PTPRD: variants seen among roughly 807,000 people sequenced by gnomAD.
PTPRD encodes the protein protein tyrosine phosphatase receptor type D.
Under a neutral mutation model 214.5 loss-of-function variants are expected in PTPRD, and 34 were observed. The observed-to-expected ratio is 0.16, with a 90% CI of 0.12 to 0.21. The LOEUF is 0.21. Ranked by LOEUF, PTPRD falls within the 10% of genes least tolerant of loss-of-function variation. The probability of loss-of-function intolerance (pLI) is 1.00; values close to 1 mark genes in which losing one functional copy is unlikely to be tolerated. For synonymous variants in PTPRD, 1,128 were observed against 845.7 expected (o/e 1.33, Z -5.79); for missense variants, 2,545 against 2,398.7 (o/e 1.06, Z -1.27).
At chr9:8,474,962 T>C (rs2096734409) in intron 30 of PTPRD, among the ~76,000 whole-genome samples, 1 of 152,172 alleles carries the variant, frequency 6.6e-6, no homozygotes, top group African/African-American at 2.4e-5. Flanking sequence ...TCTCAACTTC[T>C]CCTTCCCCAT....
intron 2 of PTPRD, among the ~76,000 whole-genome samples, chr9:10,342,662 T>G (rs2096965198): frequency 6.6e-6 from 1 of 152,134 alleles, no homozygotes; most frequent in South Asian, 2.1e-4. Flanking sequence ...TTCCGCACCT[T>G]CTATTCCATG....
At chr9:9,367,204 T>C (rs2058121098) in intron 9 of PTPRD, among the ~76,000 whole-genome samples, 1 of 151,490 alleles carries the variant, frequency 6.6e-6, no homozygotes, top group African/African-American at 2.4e-5. Flanking sequence ...TTAAAGTTTC[T>C]ACAAGGGAGA....
In PTPRD at chr9:8,641,350, T is replaced by C. The variant is rs946522186; in HGVS notation, c.65-4506A>G. Among the ~76,000 whole-genome samples the C allele has an allele frequency of 5.4e-5, 8 of 148,300 alleles. 1 individual carries two copies. Among genetic ancestry groups the C allele is most frequent in the African/African-American group, 1.9e-4 (7 of 37,742 alleles). The stretch of plus-strand genomic sequence containing the variant: ...AGGTATAAAGATGGGGAGAAAGGCA[T>C]TAGAACTTTCCAGTCACCATTATTT... On this transcript the variant is annotated intron_variant, in intron 12 of 45. Coordinates refer to ENST00000381196, the MANE Select transcript of PTPRD (RefSeq NM_002839.4).
At chr9:10,136,421 A>G (rs866167267) in intron 3 of PTPRD, among the ~76,000 whole-genome samples, 21 of 152,140 alleles carry the variant, frequency 1.4e-4, no homozygotes, top group African/African-American at 5.1e-4. Flanking sequence ...TAACAACCGC[A>G]AAGTACACAG....
At chr9:9,910,842 G>A (rs751554927) in intron 5 of PTPRD, among the ~76,000 whole-genome samples, 3 of 152,038 alleles carry the variant, frequency 2.0e-5, no homozygotes, top group African/African-American at 7.2e-5. Flanking sequence ...GGAAAACTGA[G>A]AAGTTCTGAG....
At chr9:8,973,645 C>T (rs1024404698) in intron 11 of PTPRD, among the ~76,000 whole-genome samples, 5 of 152,034 alleles carry the variant, frequency 3.3e-5, no homozygotes, top group Non-Finnish European at 7.4e-5. Context: ...CTCCAAAATG[C>T]TTTCTACAGT....
At chr9:8,809,024 G>C (rs1289547024) in intron 11 of PTPRD, among the ~76,000 whole-genome samples, 1 of 152,098 alleles carries the variant, frequency 6.6e-6, no homozygotes, top group Non-Finnish European at 1.5e-5. Flanking sequence ...AGGAAAGTCA[G>C]AGACCACTGT....
chr9:9,477,019 G>A (rs2095099118), intron 8 of PTPRD, among the ~76,000 whole-genome samples: 1 of 152,100 alleles, frequency 6.6e-6, no homozygotes, highest in South Asian at 2.1e-4. Flanking sequence ...ACAGGTGTGA[G>A]CCACCACACC....
intron 3 of PTPRD, among the ~76,000 whole-genome samples, chr9:10,046,763 T>C (rs1032019877): frequency 1.3e-5 from 2 of 151,980 alleles, no homozygotes; most frequent in Admixed American, 1.3e-4. Flanking sequence ...TTCACAAGTA[T>C]ATGCTGTTAT....
chr9:10,434,768 A>G (rs951013716), intron 2 of PTPRD, among the ~76,000 whole-genome samples: 1 of 151,842 alleles, frequency 6.6e-6, no homozygotes, highest in African/African-American at 2.4e-5. Context: ...GTCAAAGCTT[A>G]TTTTCTGTTT....
intron 14 of PTPRD, among the ~76,000 whole-genome samples, chr9:8,546,629 G>C (rs539051080): frequency 6.6e-6 from 1 of 152,134 alleles, no homozygotes; most frequent in South Asian, 2.1e-4. Flanking sequence ...CTCCCCAGTA[G>C]ATGGGATTAC....
intron 10 of PTPRD, among the ~76,000 whole-genome samples, chr9:9,085,409 G>A (rs767411527): frequency 2.6e-5 from 4 of 152,058 alleles, no homozygotes; most frequent in Non-Finnish European, 4.4e-5. Context: ...TTCAAGATGC[G>A]AATAGTGCAT....
chr9:8,971,186 ATTG>A (rs2099236030), intron 11 of PTPRD, among the ~76,000 whole-genome samples: 1 of 151,846 alleles, frequency 6.6e-6, no homozygotes, highest in African/African-American at 2.4e-5. Context: ...ATTGAGTCAA[ATTG>A]TTATTATATA....
chr9:10,507,224 G>C (rs2046307070), intron 2 of PTPRD, among the ~76,000 whole-genome samples: 1 of 151,980 alleles, frequency 6.6e-6, no homozygotes, highest in South Asian at 2.1e-4. Flanking sequence ...AAAATACCTA[G>C]GAATCCAACT....
chr9:9,476,460 C>T (rs915425373), intron 8 of PTPRD, among the ~76,000 whole-genome samples: 6 of 152,034 alleles, frequency 3.9e-5, no homozygotes, highest in East Asian at 1.9e-4. Context: ...TGATGTGTTA[C>T]GGGGATAATC....
At position 9,802,605 on chromosome 9, in the gene PTPRD, T is replaced by C. The variant is rs114295809; in HGVS notation, c.-367-35754A>G. ...CTTTTTGTGGGAAAGCTTAGCCATA[T>C]AGTAACTCATATCACACAAAGCCCA... is the stretch of plus-strand genomic sequence containing the variant. On this transcript the variant is annotated intron_variant, in intron 5 of 45. Transcript: ENST00000381196. 8.5e-3 allele frequency among the ~76,000 whole-genome samples: 1,289 copies of C among 151,954 alleles called. 15 individuals are homozygous for C. The highest frequency in any genetic ancestry group is 0.029 in the African/African-American group (1,221 of 41,482).
intron 2 of PTPRD, among the ~76,000 whole-genome samples, chr9:10,600,647 T>C (rs1398823386): frequency 6.6e-6 from 1 of 151,800 alleles, no homozygotes; most frequent in South Asian, 2.1e-4. Flanking sequence ...GTCATTACTT[T>C]GTATGGCAGA....
intron 2 of PTPRD, among the ~76,000 whole-genome samples, chr9:10,352,235 C>A (rs746552023): frequency 6.6e-6 from 1 of 151,940 alleles, no homozygotes; most frequent in Non-Finnish European, 1.5e-5. Flanking sequence ...CATAAAATTA[C>A]TTTATCCTGT....
In PTPRD at chr9:9,606,965, T is replaced by TAAAAAAAAAAAAAA. The variant is rs754610072; in HGVS notation, c.-286-32198_-286-32185dup. Among the ~76,000 whole-genome samples the TAAAAAAAAAAAAAA allele has an allele frequency of 2.5e-4, 7 of 27,488 alleles. 2 individuals are homozygous for TAAAAAAAAAAAAAA. The Admixed American group carries it at 4.3e-3, about 17-fold the overall frequency. The allele number at this position is 27,488 out of a possible 152,430, so 18.0% of individuals were successfully genotyped here. The stretch of plus-strand genomic sequence containing the variant: ...GCAGTATCTGATTACTCAGCACTGC[T>TAAAAAAAAAAAAAA]AAAAAAAAAAAAAAAAAAAAAAAAA... On this transcript the variant is annotated intron_variant, in intron 7 of 45. Transcript: ENST00000381196.
Sources: allele counts gnomAD v4.1 joint callset (sites outside exome capture counted in the v4.1 genomes callset), GRCh38; gene constraint gnomAD v4.1.1; transcripts MANE v1.5; gene names NCBI Gene and HGNC (gene_info 2026-07-23, HGNC 2026-07-21).